Variants in RBFOX2 observed in about 807,000 individuals in gnomAD.
The protein encoded by RBFOX2 is RNA binding protein fox-1 homolog 2.
A neutral mutation model predicts 49.1 loss-of-function variants in RBFOX2; 10 were observed. The observed-to-expected ratio is 0.20, with a 90% CI of 0.13 to 0.35. RBFOX2 has a LOEUF of 0.35. RBFOX2 is among the 10% of genes least tolerant of loss of function. RBFOX2 has a pLI of 1.00. For synonymous variants in RBFOX2, 183 were observed against 187.4 expected, an observed-to-expected ratio of 0.98 and a Z score of 0.19; for missense variants, 323 against 486.9, an observed-to-expected ratio of 0.66 and a Z score of 3.17.
chr22:35,939,133 C>A, upstream of RBFOX2: 3 of 674,968 alleles, frequency 4.4e-6, no homozygotes, highest in South Asian at 3.0e-5. Flanking sequence ...CTTCCTTATG[C>A]AGCTAAATCT....
chr22:35,908,528 TC>T (rs2049385976), intron 1 of RBFOX2, among the ~76,000 whole-genome samples: 2 of 152,214 alleles, frequency 1.3e-5, no homozygotes, highest in Non-Finnish European at 2.9e-5. Context: ...AAATGGGTAC[TC>T]AGATGGTTTC....
At chr22:35,760,801 T>TA (rs1225220810) in intron 8 of RBFOX2, among the ~76,000 whole-genome samples, 1 of 152,216 alleles carries the variant, frequency 6.6e-6, no homozygotes, top group Non-Finnish European at 1.5e-5. Flanking sequence ...CAAAATGACT[T>TA]AGAGAGATCA....
intron 1 of RBFOX2, among the ~76,000 whole-genome samples, chr22:35,825,973 C>A (rs1955599357): frequency 8.6e-6 from 1 of 116,700 alleles, no homozygotes; most frequent in East Asian, 2.6e-4. Context: ...GACAGTGAGA[C>A]TCCGCTTCAA....
intron 1 of RBFOX2, among the ~76,000 whole-genome samples, chr22:35,846,849 T>G (rs1298772008): frequency 6.6e-6 from 1 of 152,162 alleles, no homozygotes. Context: ...CCCTAAACCC[T>G]CAAATCAGGA....
chr22:35,897,170 G>A (rs1198714138), intron 1 of RBFOX2: 10 of 648,500 alleles, frequency 1.5e-5, no homozygotes, highest in Non-Finnish European at 2.8e-5. Context: ...TATTCACTGT[G>A]TACAGGATTC....
At chr22:35,912,237 T>G (rs916408918) in intron 1 of RBFOX2, among the ~76,000 whole-genome samples, 12 of 152,162 alleles carry the variant, frequency 7.9e-5, no homozygotes, top group African/African-American at 2.9e-4. Flanking sequence ...CAACATAAAG[T>G]GTGGCAGAGC....
intron 1 of RBFOX2, among the ~76,000 whole-genome samples, chr22:35,861,612 C>T (rs1028720809): frequency 3.3e-5 from 5 of 152,080 alleles, no homozygotes; most frequent in Non-Finnish European, 7.4e-5. Flanking sequence ...CACTACATAC[C>T]TATTTAAAAG....
chr22:35,760,098 C>T (rs899405919), intron 8 of RBFOX2, 78 bp from the exon 10 acceptor site: 3 of 1,555,256 alleles, frequency 1.9e-6, no homozygotes, highest in Non-Finnish European at 2.7e-6. Context: ...TTGCTATGAA[C>T]CAATTATAGA....
At chr22:35,959,217 T>C (rs1279094530) in intron 1 of RBFOX2, among the ~76,000 whole-genome samples, 26 of 152,218 alleles carry the variant, frequency 1.7e-4, no homozygotes, top group Admixed American at 1.6e-3. Context: ...CTGGGTATTA[T>C]TTCCATTATC....
chr22:35,826,730 C>T (rs1955817821), intron 1 of RBFOX2, among the ~76,000 whole-genome samples: 1 of 152,052 alleles, frequency 6.6e-6, no homozygotes, highest in South Asian at 2.1e-4. Context: ...AGCACTGAAC[C>T]CTCATATACT....
chr22:35,938,001 A>C (rs1355673908), intron 1 of RBFOX2, among the ~76,000 whole-genome samples: 2 of 152,228 alleles, frequency 1.3e-5, no homozygotes, highest in African/African-American at 4.8e-5. Context: ...TCTCCTGGAC[A>C]AGTATAACAA....
intron 1 of RBFOX2, among the ~76,000 whole-genome samples, chr22:35,927,629 A>G (rs2051820646): frequency 1.4e-5 from 2 of 147,208 alleles, no homozygotes; most frequent in Admixed American, 1.4e-4. Flanking sequence ...AAAAAAAAGC[A>G]GAAGAAATAT....
chr22:35,971,016 C>T (rs1437977999), intron 1 of RBFOX2, among the ~76,000 whole-genome samples: 1 of 152,046 alleles, frequency 6.6e-6, no homozygotes, highest in East Asian at 1.9e-4. Context: ...AAATATATCC[C>T]TGGTGGAATC....
chr22:35,751,926 G>C (rs1362251735), intron 9 of RBFOX2, among the ~76,000 whole-genome samples: 1 of 152,008 alleles, frequency 6.6e-6, no homozygotes, highest in Non-Finnish European at 1.5e-5. Flanking sequence ...AATCTTGCTG[G>C]GTAGCCACAT....
intron 1 of RBFOX2, among the ~76,000 whole-genome samples, chr22:35,896,992 G>T (rs1016352873): frequency 1.3e-5 from 2 of 152,122 alleles, no homozygotes; most frequent in Non-Finnish European, 2.9e-5. Flanking sequence ...CATGGCTCAT[G>T]CCCTAAATCT....
rs942376600 is a variant in RBFOX2 at position 35,809,696 on chromosome 22, G to A, written c.252+84C>T. 9.2e-6 allele frequency: 13 copies of A among 1,410,578 alleles called. No individual in the cohort carries two copies. In the African/African-American group the frequency reaches 1.6e-4, roughly 17 times the overall value. The allele number at this position is 1,410,578 out of a possible 1,614,324, so 87.4% of individuals were successfully genotyped here. ...GGTGTAAATGCTAAATTAATTCCGAGAGTCTTCTAATTGTATAATTAAGGC... is the reference window on the plus strand; with the variant it reads ...GGTGTAAATGCTAAATTAATTCCGAAAGTCTTCTAATTGTATAATTAAGGC... On this transcript the variant is annotated intron_variant, in intron 2 of 11. Coordinates refer to ENST00000405409, the Ensembl canonical transcript of RBFOX2.
intron 1 of RBFOX2, among the ~76,000 whole-genome samples, chr22:35,826,193 T>A (rs1338027171): frequency 6.6e-6 from 1 of 151,076 alleles, no homozygotes; most frequent in Admixed American, 6.6e-5. Context: ...ATAGAAAAAA[T>A]TAGCTGGGCT....
chr22:35,991,863 C>A (rs184607198), intron 1 of RBFOX2, among the ~76,000 whole-genome samples: 2 of 152,070 alleles, frequency 1.3e-5, no homozygotes, highest in African/African-American at 4.8e-5. Context: ...AACTTGGATA[C>A]CTCTAATCAA....
intron 1 of RBFOX2, among the ~76,000 whole-genome samples, chr22:35,917,787 T>C (rs2050592133): frequency 6.6e-6 from 1 of 152,186 alleles, no homozygotes; most frequent in African/African-American, 2.4e-5. Flanking sequence ...AATCGCAATC[T>C]GTCAAACTCT....
Sources: allele counts gnomAD v4.1 joint callset (sites outside exome capture counted in the v4.1 genomes callset), GRCh38; gene constraint gnomAD v4.1.1; transcripts MANE v1.5; gene names NCBI Gene and HGNC (gene_info 2026-07-23, HGNC 2026-07-21).